GLDC: variants seen among roughly 807,000 people sequenced by gnomAD.
GLDC encodes glycine dehydrogenase (decarboxylating), mitochondrial.
A neutral mutation model predicts 121.3 loss-of-function variants in GLDC; 104 were observed. The ratio of observed to expected loss-of-function variants is 0.86; its 90% CI spans 0.73 to 1.01. The LOEUF (loss-of-function observed/expected upper bound fraction) is 1.01, where lower values mean the gene tolerates loss of function less well. Ranked by LOEUF, GLDC falls within the 50% of genes least tolerant of loss-of-function variation. The pLI is 0.00. For synonymous variants in GLDC, 546 were observed against 480.6 expected, an observed-to-expected ratio of 1.14 and a Z score of -1.78; for missense variants, 1,429 against 1,306.6, an observed-to-expected ratio of 1.09 and a Z score of -1.44.
chr9:6,601,268 T>A (rs1818605060), intron 8 of GLDC, among the ~76,000 whole-genome samples: 1 of 152,194 alleles, frequency 6.6e-6, no homozygotes, highest in Non-Finnish European at 1.5e-5. Context: ...CAAATGCCCT[T>A]GCTTTGCCTT....
chr9:6,588,812 T>A, intron 12 of GLDC, 110 bp from the exon 13 acceptor site: 1 of 765,218 alleles, frequency 1.3e-6, no homozygotes, highest in Non-Finnish European at 2.4e-6. Context: ...GCAGATCAAT[T>A]TTGGCCACGG....
intron 2 of GLDC, among the ~76,000 whole-genome samples, chr9:6,625,522 G>T (rs1819217075): frequency 6.6e-6 from 1 of 152,160 alleles, no homozygotes; most frequent in Non-Finnish European, 1.5e-5. Flanking sequence ...TTCTTCCAGT[G>T]CAGGACTCTC....
At chr9:6,584,405 A>G (rs950245297) in intron 15 of GLDC, among the ~76,000 whole-genome samples, 2 of 152,186 alleles carry the variant, frequency 1.3e-5, no homozygotes, top group Admixed American at 1.3e-4. Flanking sequence ...ATTTCACTGG[A>G]CTCTAGCCAG....
Position 6,532,966 on chromosome 9 carries a change from A to G in GLDC, c.*51T>C, listed in dbSNP as rs762287499. The G allele has an allele frequency of 3.7e-6, 5 of 1,337,884 alleles. No homozygotes were observed. Among genetic ancestry groups the G allele is most frequent in the South Asian group, 1.2e-5 (1 of 85,192 alleles). The allele number at this position is 1,337,884 out of a possible 1,614,324, so 82.9% of individuals were successfully genotyped here. ...AGATGAAATCTTTCTTGCTTATCAA[A>G]TGCTCTGGGGAGAGGCATCAAATCA... is the stretch of plus-strand genomic sequence containing the variant. On this transcript the variant is annotated 3_prime_UTR_variant, in exon 25 of 25. Transcript: ENST00000321612.
At chr9:6,561,470 G>A (rs1392860576) in intron 16 of GLDC, among the ~76,000 whole-genome samples, 1 of 152,038 alleles carries the variant, frequency 6.6e-6, no homozygotes, top group African/African-American at 2.4e-5. Context: ...CCAACATGGT[G>A]AAACCCTGTC....
intron 7 of GLDC, among the ~76,000 whole-genome samples, chr9:6,604,172 C>A (rs187336296): frequency 6.6e-6 from 1 of 152,102 alleles, no homozygotes. Context: ...GGCCACGTGG[C>A]GGAAGCCTCT....
intron 2 of GLDC, chr9:6,644,402 A>G: frequency 1.6e-6 from 1 of 612,618 alleles, no homozygotes; most frequent in South Asian, 1.9e-5. Context: ...AGAACCGCAC[A>G]ACACCGACTC....
chr9:6,560,505 TTTTC>T (rs1338671000), intron 16 of GLDC, among the ~76,000 whole-genome samples: 21 of 152,324 alleles, frequency 1.4e-4, no homozygotes, highest in Admixed American at 8.5e-4. Flanking sequence ...TAGTTAATTT[TTTTC>T]TTTAATTTCT....
At chr9:6,592,724 T>A (rs1818398739) in intron 10 of GLDC, 127 bp downstream of exon 10, 1 of 841,058 alleles carries the variant, frequency 1.2e-6, no homozygotes. Context: ...ATAACACTTG[T>A]TTATGAAAAA....
chr9:6,637,685 C>T (rs1327319846), intron 2 of GLDC, among the ~76,000 whole-genome samples: 2 of 151,860 alleles, frequency 1.3e-5, no homozygotes, highest in African/African-American at 2.4e-5. Context: ...CAGGCTGATG[C>T]TGAACTCCTG....
rs187035997 is a variant in GLDC, at chr9:6,601,448, T to C, written c.1155+661A>G. ...TAAAAGTGAAGACTGGCCTTTTTTG[T>C]CCTTTCTTACGCTTTGCCTGTTCAG... On this transcript the variant is annotated intron_variant, in intron 8 of 24. Coordinates refer to ENST00000321612, the MANE Select transcript of GLDC (RefSeq NM_000170.3). 2.7e-4 allele frequency among the ~76,000 whole-genome samples: 41 copies of C among 152,350 alleles called. 1 individual carries two copies. The highest frequency in any genetic ancestry group is 5.6e-4 in the Non-Finnish European group (38 of 68,032).
intron 2 of GLDC, among the ~76,000 whole-genome samples, chr9:6,631,543 T>C (rs10114495): frequency 0.031 from 4,705 of 152,294 alleles, 227 homozygotes; most frequent in African/African-American, 0.11. Flanking sequence ...CAGAGAAACA[T>C]TGCAATTCAT....
At chr9:6,604,226 A>C (rs571294441) in intron 7 of GLDC, among the ~76,000 whole-genome samples, 5 of 152,192 alleles carry the variant, frequency 3.3e-5, no homozygotes, top group East Asian at 3.8e-4. Flanking sequence ...TTGCAGTCTC[A>C]GTGCATTTGT....
chr9:6,550,827 T>G lies in GLDC; in HGVS notation c.2545A>C (p.Arg849=). The G allele has an allele frequency of 6.2e-7, 1 of 1,612,580 alleles. No homozygotes were observed. Among genetic ancestry groups the G allele is most frequent in the Non-Finnish European group, 8.5e-7 (1 of 1,178,558 alleles). The change falls in exon 21 of 25, where the codon AGA becomes CGA. Residue 849 remains arginine, a synonymous_variant. Transcript: ENST00000321612. The part of the protein sequence containing the change: ...YMAKRLETHY[R]ILFRGARGYV... ...CCTCTTGCACCCCTGAAAAGAATTCTGTAGTGTGTTTCTAATCGCTTGGCC... is the reference window on the plus strand; with the variant it reads ...CCTCTTGCACCCCTGAAAAGAATTCGGTAGTGTGTTTCTAATCGCTTGGCC...
chr9:6,593,220 G>A (rs150589772), intron 9 of GLDC: 19 of 448,320 alleles, frequency 4.2e-5, no homozygotes, highest in Non-Finnish European at 6.5e-5. Flanking sequence ...ATTACTGCGT[G>A]TATTTTGGTG....
intron 8 of GLDC, among the ~76,000 whole-genome samples, chr9:6,599,720 C>CAAAAAAAAAAAAAAAAAAAAAAAAAA (rs549444099): frequency 6.6e-5 from 8 of 120,740 alleles, no homozygotes; most frequent in African/African-American, 2.7e-4. Flanking sequence ...GACTCCATCT[C>CAAAAAAAAAAAAAAAAAAAAAAAAAA]AAAAAAAAAA....
At chr9:6,578,539 CTCT>C (rs1410230062) in intron 15 of GLDC, among the ~76,000 whole-genome samples, 4 of 152,024 alleles carry the variant, frequency 2.6e-5, no homozygotes, top group East Asian at 1.9e-4. Flanking sequence ...AGTACTTCCT[CTCT>C]TTTTTTCTTC....
At chr9:6,584,900 C>T (rs1281894763) in intron 15 of GLDC, 1 of 152,068 alleles carries the variant, frequency 6.6e-6, no homozygotes, top group Non-Finnish European at 1.5e-5. Context: ...TCTCACTGTC[C>T]ATCATATGAA....
intron 2 of GLDC, among the ~76,000 whole-genome samples, chr9:6,636,699 C>T (rs1034994502): frequency 1.3e-5 from 2 of 152,088 alleles, no homozygotes; most frequent in Non-Finnish European, 2.9e-5. Flanking sequence ...CACTTGAACC[C>T]AGGAGGTCGA....
Sources: allele counts gnomAD v4.1 joint callset (sites outside exome capture counted in the v4.1 genomes callset), GRCh38; gene constraint gnomAD v4.1.1; transcripts MANE v1.5; gene names NCBI Gene and HGNC (gene_info 2026-07-23, HGNC 2026-07-21).